Variants in CENPX observed in about 807,000 individuals in gnomAD.
CENPX encodes centromere protein X.
A neutral mutation model predicts 13.2 loss-of-function variants in CENPX; 13 were observed. That is an observed-to-expected ratio of 0.98 (90% CI 0.64 to 1.56). The LOEUF is 1.56. CENPX is among the 40% of genes most tolerant of loss of function. The pLI, the probability that CENPX is intolerant of heterozygous loss-of-function variation, is 0.00. For synonymous variants in CENPX, 66 were observed against 47.2 expected (o/e 1.40, Z -1.63); for missense variants, 138 against 107.5 (o/e 1.28, Z -1.26).
Position 82,019,899 on chromosome 17 carries a change from C to A in CENPX, c.47G>T (p.Ser16Ile). The part of the protein sequence containing the change: ...AGSGFRKELV[S>I]RLLHLHFKDD... ...CTTGAAGTGCAGGTGCAGCAGCCTG[C>A]TCACCAGCTCCTAGAAGGGAGGGGG... Residue 16 changes from serine to isoleucine, a missense_variant, in exon 2 of 5, where the codon AGC becomes ATC. By Grantham distance (142) the Ser-to-Ile change is moderately radical. Transcript: ENST00000392359. 1 of 1,596,040 alleles carries A rather than the reference C, an allele frequency of 6.3e-7. No individual in the cohort carries two copies. Among genetic ancestry groups the A allele is most frequent in the African/African-American group, 1.3e-5 (1 of 74,726 alleles).
intron 1 of CENPX, 183 bp downstream of exon 1, chr17:82,022,643 T>C (rs2043309509): frequency 2.9e-6 from 2 of 679,216 alleles, no homozygotes; most frequent in Non-Finnish European, 4.8e-6. Flanking sequence ...TCCTACCAGC[T>C]GCGAGACACC....
intron 1 of CENPX, among the ~76,000 whole-genome samples, chr17:82,022,127 G>A (rs1031649577): frequency 6.6e-6 from 1 of 152,194 alleles, no homozygotes; most frequent in Admixed American, 6.5e-5. Context: ...TGCCTGCACC[G>A]ATGGGGTCCT....
At chr17:82,020,016 C>T (rs954503602) in intron 1 of CENPX, 107 bp from the exon 2 acceptor site, 1 of 1,110,052 alleles carries the variant, frequency 9.0e-7, no homozygotes, top group Non-Finnish European at 1.3e-6. Context: ...TGGAGACGCC[C>T]TCTGTGCCTG....
Position 82,019,093 on chromosome 17 carries a change from C to A in CENPX, c.*112G>T. On this transcript the variant is annotated 3_prime_UTR_variant, in exon 5 of 5. Coordinates refer to ENST00000392359, the MANE Select transcript of CENPX (RefSeq NM_001271006.2). ...CCCAGAGATCTTGTTTGAATCAACT[C>A]CAAATCCTTCAGGTCCTTCCCTGCC... The A allele has an allele frequency of 1.4e-6, 2 of 1,423,292 alleles. No individual in the cohort carries two copies. The highest frequency in any genetic ancestry group is 2.4e-5 in the East Asian group (1 of 41,876). 88.2% of individuals were successfully genotyped at this position (1,423,292 alleles called of 1,614,324 possible).
At chr17:82,021,766 T>C (rs4077074) in intron 1 of CENPX, among the ~76,000 whole-genome samples, 107,652 of 152,186 alleles carry the variant, frequency 0.71, 39,024 homozygotes, top group African/African-American at 0.8. Context: ...AGTGGCCTTT[T>C]GGCTACTTTA....
chr17:82,020,947 T>C (rs4432307), intron 1 of CENPX, among the ~76,000 whole-genome samples: 107,000 of 151,854 alleles, frequency 0.7, 38,560 homozygotes, highest in African/African-American at 0.79. Context: ...CTCAGTGAGG[T>C]GGCCCAGGCC....
Position 82,019,465 on chromosome 17 carries a change from C to G in CENPX, c.143-84G>C, listed in dbSNP as rs531244779. 621 of 1,510,626 alleles carry G rather than the reference C, an allele frequency of 4.1e-4. 2 individuals are homozygous for G. In the African/African-American group the frequency reaches 7.6e-3, roughly 18 times the overall value. The allele number at this position is 1,510,626 out of a possible 1,614,324, so 93.6% of individuals were successfully genotyped here. The stretch of plus-strand genomic sequence containing the variant: ...TGAGGGCCTCAGCCTGGGCCGGTGC[C>G]CCCCCCAACACCCACGGGCAGCCCC... On this transcript the variant is annotated intron_variant, in intron 3 of 4. Transcript: ENST00000392359.
chr17:82,021,252 G>A (rs531582089), intron 1 of CENPX, among the ~76,000 whole-genome samples: 27 of 152,182 alleles, frequency 1.8e-4, no homozygotes, highest in Non-Finnish European at 3.7e-4. Flanking sequence ...ATCCCGGCTC[G>A]TCCTGAGCCC....
Position 82,019,681 on chromosome 17 carries a change from C to G in CENPX, c.102G>C (p.Ala34=). 1 of 1,550,324 alleles carries G rather than the reference C, an allele frequency of 6.5e-7. No individual in the cohort carries two copies. Among genetic ancestry groups the G allele is most frequent in the Non-Finnish European group, 8.7e-7 (1 of 1,146,976 alleles). ...KDDKTKVSGD[A]LQLMVELLKV... is the part of the protein sequence containing the mutation. Reference sequence around the variant, plus strand: ...TCAGCAACTCCACCATGAGCTGCAGCGCGTCCCCGCTCACTGCAAGGCAGG... The same window carrying G: ...TCAGCAACTCCACCATGAGCTGCAGGGCGTCCCCGCTCACTGCAAGGCAGG... Residue 34 remains alanine, a synonymous_variant, in exon 3 of 5, where the codon GCG becomes GCC. Transcript: ENST00000392359.
Position 82,018,819 on chromosome 17 carries a change from G to A in CENPX, c.*386C>T, listed in dbSNP as rs2043216088. 1 of 315,596 alleles carries A rather than the reference G, an allele frequency of 3.2e-6. No individual in the cohort carries two copies. The allele number at this position is 315,596 out of a possible 1,614,324, so 19.5% of individuals were successfully genotyped here. On this transcript the variant is annotated 3_prime_UTR_variant, in exon 5 of 5. Transcript: ENST00000392359. The stretch of plus-strand genomic sequence containing the variant: ...GGAAAGGTCACACGCCAGCTTTGAT[G>A]TCGGGTGGCAGGAATGTGGGCAGGA...
In CENPX at chr17:82,018,910, C is replaced by A. The variant is rs2043218830; in HGVS notation, c.*295G>T. 1.3e-5 allele frequency: 5 copies of A among 394,934 alleles called. No individual in the cohort carries two copies. In the South Asian group the frequency reaches 4.0e-4, roughly 32 times the overall value. 24.5% of individuals were successfully genotyped at this position (394,934 alleles called of 1,614,324 possible). On this transcript the variant is annotated 3_prime_UTR_variant, in exon 5 of 5. Transcript: ENST00000392359. ...CCTGCTGGCCAGGCCTTTCCCAGCA[C>A]CTGCCTGTAGGACCCCGGGTGGCAT...
chr17:82,019,863 G>A lies in CENPX; in HGVS notation c.83C>T (p.Thr28Ile), dbSNP rs927457544. The A allele has an allele frequency of 6.2e-7, 1 of 1,600,380 alleles. No individual in the cohort carries two copies. The highest frequency in any genetic ancestry group is 1.3e-5 in the African/African-American group (1 of 74,730). The change falls in exon 2 of 5, where the codon ACC (threonine) becomes ATC (isoleucine). Residue 28 changes from threonine to isoleucine, a missense_variant. Coordinates refer to ENST00000392359, the MANE Select transcript of CENPX (RefSeq NM_001271006.2). ...LLHLHFKDDK[T>I]KVSGDALQLM... ...GCCCGCACCCCCACCCGCACCTTTG[G>A]TCTTGTCATCCTTGAAGTGCAGGTG...
chr17:82,020,990 C>A (rs1043424049), intron 1 of CENPX, among the ~76,000 whole-genome samples: 6 of 152,100 alleles, frequency 3.9e-5, no homozygotes, highest in Admixed American at 3.9e-4. Context: ...GGAAAGGAGC[C>A]AGCACGGAGA....
Position 82,019,465 on chromosome 17 carries a change from C to A in CENPX, c.143-84G>T. Reference sequence around the variant, plus strand: ...TGAGGGCCTCAGCCTGGGCCGGTGCCCCCCCCAACACCCACGGGCAGCCCC... The same window carrying A: ...TGAGGGCCTCAGCCTGGGCCGGTGCACCCCCCAACACCCACGGGCAGCCCC... On this transcript the variant is annotated intron_variant, in intron 3 of 4. Coordinates refer to ENST00000392359, the MANE Select transcript of CENPX (RefSeq NM_001271006.2). 3.3e-6 allele frequency: 5 copies of A among 1,510,624 alleles called. No individual in the cohort carries two copies. In the African/African-American group the frequency reaches 5.5e-5, roughly 17 times the overall value. The allele number at this position is 1,510,624 out of a possible 1,614,324, so 93.6% of individuals were successfully genotyped here. A position where few individuals can be genotyped will look rare whatever the true frequency, so the allele number is the denominator to read the frequency against.
chr17:82,022,832 G>C lies in CENPX; in HGVS notation c.30C>G (p.Phe10Leu), dbSNP rs2043314795. The C allele has an allele frequency of 6.3e-6, 10 of 1,591,776 alleles. No homozygotes were observed. The highest frequency in any genetic ancestry group is 8.5e-6 in the Non-Finnish European group (10 of 1,171,782). The change falls in exon 1 of 5, where the codon TTC becomes TTG. Residue 10 changes from phenylalanine (F) to leucine (L), a missense_variant. Coordinates refer to ENST00000392359, the MANE Select transcript of CENPX (RefSeq NM_001271006.2). Reference protein sequence around the residue: MEGAGAGSGFRKELVSRLLH... With the variant: MEGAGAGSGLRKELVSRLLH... ...CCTGCCCTCCGGCCCTCACCTTCCG[G>C]AAGCCGGATCCAGCTCCTGCTCCCT...
intron 1 of CENPX, 144 bp from the exon 2 acceptor site, chr17:82,020,053 G>A: frequency 1.3e-6 from 1 of 796,144 alleles, no homozygotes. Flanking sequence ...GGGGACAAGG[G>A]CCAGCCTAGT....
At chr17:82,019,760 C>T in intron 2 of CENPX, 66 bp from the exon 3 acceptor site, 1 of 1,549,122 alleles carries the variant, frequency 6.5e-7, no homozygotes, top group Non-Finnish European at 8.7e-7. Context: ...TCCAGACATA[C>T]CCCCGCCCTC....
intron 1 of CENPX, among the ~76,000 whole-genome samples, chr17:82,022,168 T>A (rs1026711699): frequency 1.1e-4 from 17 of 152,136 alleles, no homozygotes; most frequent in African/African-American, 4.1e-4. Flanking sequence ...GAGCTCCACT[T>A]CCAGGAACAG....
At chr17:82,020,491 G>T (rs532909959) in intron 1 of CENPX, among the ~76,000 whole-genome samples, 1 of 152,316 alleles carries the variant, frequency 6.6e-6, no homozygotes, top group Non-Finnish European at 1.5e-5. Context: ...AGCGCAGAGC[G>T]GGGCTGCGCC....
Sources: allele counts gnomAD v4.1 joint callset (sites outside exome capture counted in the v4.1 genomes callset), GRCh38; gene constraint gnomAD v4.1.1; transcripts MANE v1.5; gene names NCBI Gene and HGNC (gene_info 2026-07-23, HGNC 2026-07-21).